SOX5: variants seen among roughly 807,000 people sequenced by gnomAD.
The protein encoded by SOX5 is transcription factor SOX-5.
In SOX5, 9 loss-of-function variants were observed where a neutral mutation model predicts 92.0. The observed-to-expected ratio is 0.10, with a 90% CI of 0.06 to 0.17. The LOEUF (loss-of-function observed/expected upper bound fraction) is 0.17. SOX5 is among the 10% of genes least tolerant of loss of function. The pLI is 1.00. For missense variants in SOX5, 642 were observed against 944.5 expected, an observed-to-expected ratio of 0.68 and a Z score of 4.20; for synonymous variants, 344 against 336.3, an observed-to-expected ratio of 1.02 and a Z score of -0.25.
At chr12:23,869,753 T>C (rs2096853578) in intron 2 of SOX5, among the ~76,000 whole-genome samples, 1 of 152,140 alleles carries the variant, frequency 6.6e-6, no homozygotes, top group Non-Finnish European at 1.5e-5. Flanking sequence ...TGAGTAGTAC[T>C]GCTCTAGAAT....
chr12:24,077,772 CATATATAT>C (rs35914700), intron 4 of SOX5, among the ~76,000 whole-genome samples: 6,018 of 116,906 alleles, frequency 0.051, 177 homozygotes, highest in Admixed American at 0.066. Context: ...AAGGTATTTT[CATATATAT>C]ATATATATAT....
chr12:24,341,441 TCACTC>T (rs1211977279), intron 2 of SOX5, among the ~76,000 whole-genome samples: 1 of 152,172 alleles, frequency 6.6e-6, no homozygotes, highest in Non-Finnish European at 1.5e-5. Flanking sequence ...TCACACCACT[TCACTC>T]CACCTGGGTG....
chr12:23,597,270 C>CT (rs1211017458), intron 9 of SOX5, among the ~76,000 whole-genome samples: 1 of 152,136 alleles, frequency 6.6e-6, no homozygotes, highest in Non-Finnish European at 1.5e-5. Context: ...GCATATTTTG[C>CT]TTTTTTCATT....
intron 9 of SOX5, among the ~76,000 whole-genome samples, chr12:23,581,678 A>C: frequency 6.6e-6 from 1 of 152,092 alleles, no homozygotes; most frequent in East Asian, 1.9e-4. Context: ...AAACCAAAGG[A>C]CATTTAGGCA....
intron 4 of SOX5, among the ~76,000 whole-genome samples, chr12:24,129,120 T>C (rs1334772232): frequency 1.3e-5 from 2 of 152,226 alleles, no homozygotes; most frequent in African/African-American, 4.8e-5. Flanking sequence ...ATCAGTTGGA[T>C]GGATGATACT....
intron 8 of SOX5, among the ~76,000 whole-genome samples, chr12:23,620,631 A>C (rs905210623): frequency 6.6e-6 from 1 of 152,122 alleles, no homozygotes; most frequent in African/African-American, 2.4e-5. Flanking sequence ...AGCAAAAATG[A>C]GTCCTTTTCA....
chr12:24,157,220 G>A (rs974269012), intron 4 of SOX5, among the ~76,000 whole-genome samples: 1 of 151,966 alleles, frequency 6.6e-6, no homozygotes, highest in Non-Finnish European at 1.5e-5. Context: ...TTCTTAAAAT[G>A]TATAAATATT....
At chr12:23,631,275 A>G (rs904959209) in intron 8 of SOX5, among the ~76,000 whole-genome samples, 2 of 152,082 alleles carry the variant, frequency 1.3e-5, no homozygotes, top group Admixed American at 1.3e-4. Context: ...ATTTGTCTTC[A>G]TAAAATATTC....
chr12:24,485,604 T>C (rs1489244356), intron 1 of SOX5, among the ~76,000 whole-genome samples: 2 of 152,108 alleles, frequency 1.3e-5, no homozygotes, highest in Non-Finnish European at 2.9e-5. Context: ...TTTGTTGTGA[T>C]GACTAGGAAA....
chr12:24,029,226 C>G (rs1183556056), intron 4 of SOX5, among the ~76,000 whole-genome samples: 1 of 151,824 alleles, frequency 6.6e-6, no homozygotes, highest in Admixed American at 6.6e-5. Context: ...TTAAATGTAC[C>G]TTAATAGAAT....
intron 1 of SOX5, among the ~76,000 whole-genome samples, chr12:24,451,595 T>A (rs1006813053): frequency 6.6e-6 from 1 of 152,180 alleles, no homozygotes; most frequent in African/African-American, 2.4e-5. Context: ...AAAATGAATA[T>A]CTAATATTAA....
chr12:23,739,308 T>C (rs563070442), intron 5 of SOX5, among the ~76,000 whole-genome samples: 44 of 152,176 alleles, frequency 2.9e-4, no homozygotes, highest in African/African-American at 1.1e-3. Flanking sequence ...TTACTACCAA[T>C]TTTTTTTAAC....
intron 1 of SOX5, among the ~76,000 whole-genome samples, chr12:23,926,338 T>C (rs1194893276): frequency 1.3e-5 from 2 of 152,044 alleles, no homozygotes; most frequent in African/African-American, 4.8e-5. Flanking sequence ...GAGTCTGTAA[T>C]ATATGTAGTA....
At chr12:23,589,193 T>A (rs1951174338) in intron 9 of SOX5, among the ~76,000 whole-genome samples, 1 of 151,982 alleles carries the variant, frequency 6.6e-6, no homozygotes, top group African/African-American at 2.4e-5. Context: ...AGATAATTTT[T>A]TTTTTGCATA....
At chr12:23,953,355 C>A (rs570211581), upstream of SOX5, among the ~76,000 whole-genome samples, 21 of 151,986 alleles carry the variant, frequency 1.4e-4, no homozygotes, top group African/African-American at 1.4e-4. Context: ...TCATGACTAG[C>A]GCATCTATTA....
chr12:24,253,270 C>CTT (rs61584024), intron 3 of SOX5, among the ~76,000 whole-genome samples: 24,168 of 137,218 alleles, frequency 0.18, 2,374 homozygotes, highest in South Asian at 0.25. Context: ...ACGTGCACAT[C>CTT]TTTTTTTTTT....
intron 1 of SOX5, among the ~76,000 whole-genome samples, chr12:24,447,185 G>A (rs747552166): frequency 6.6e-5 from 10 of 152,158 alleles, no homozygotes; most frequent in South Asian, 4.1e-4. Context: ...TATGGAAAGG[G>A]AGAACAGAGT....
intron 8 of SOX5, among the ~76,000 whole-genome samples, chr12:23,623,849 G>A (rs2077454928): frequency 2.6e-5 from 4 of 152,090 alleles, no homozygotes; most frequent in Middle Eastern, 6.8e-3. Flanking sequence ...ACCGAAAATG[G>A]ACTGAAAGCA....
At chr12:24,162,550 C>T (rs1952876565) in intron 4 of SOX5, among the ~76,000 whole-genome samples, 1 of 152,054 alleles carries the variant, frequency 6.6e-6, no homozygotes, top group Non-Finnish European at 1.5e-5. Context: ...CTTATTTTCT[C>T]AAAGTAACTG....
Sources: gnomAD v4.1 joint callset for allele counts (sites outside exome capture counted in the v4.1 genomes callset) on GRCh38, gnomAD v4.1.1 for gene constraint, MANE v1.5 for transcripts, NCBI Gene and HGNC (gene_info 2026-07-23, HGNC 2026-07-21) for gene names.